ESF1: variants seen among roughly 807,000 people sequenced by gnomAD.
ESF1 encodes the protein ESF1 nucleolar pre-rRNA processing protein, also known as ESF1 homolog.
ESF1 carries 58 observed loss-of-function variants against 92.0 expected under a neutral mutation model. The ratio of observed to expected loss-of-function variants is 0.63; its 90% confidence interval spans 0.51 to 0.78. ESF1 has a LOEUF of 0.78. ESF1 is among the 30% of genes least tolerant of loss of function. The probability of loss-of-function intolerance (pLI) is 0.00; values close to 1 mark genes in which losing one functional copy is unlikely to be tolerated. For synonymous variants in ESF1, 321 were observed against 313.7 expected, an observed-to-expected ratio of 1.02 and a Z score of -0.24; for missense variants, 922 against 989.1, an observed-to-expected ratio of 0.93 and a Z score of 0.91.
chr20:13,781,661 C>G (rs143485327), intron 2 of ESF1, among the ~76,000 whole-genome samples: 5 of 152,250 alleles, frequency 3.3e-5, no homozygotes, highest in African/African-American at 1.2e-4. Flanking sequence ...AAAGTGTGAC[C>G]CCTGGGAGCT....
At chr20:13,777,110 G>A (rs936369333) in intron 2 of ESF1, among the ~76,000 whole-genome samples, 2 of 152,210 alleles carry the variant, frequency 1.3e-5, no homozygotes, top group Non-Finnish European at 2.9e-5. Context: ...GTAGAAAACT[G>A]ACTTGGGAAA....
chr20:13,742,173 C>T (rs929140487), intron 9 of ESF1, among the ~76,000 whole-genome samples: 18 of 152,056 alleles, frequency 1.2e-4, no homozygotes, highest in Non-Finnish European at 2.2e-4. Flanking sequence ...TCGAGACCAG[C>T]GTGGCCAATG....
intron 3 of ESF1, among the ~76,000 whole-genome samples, 182 bp from the exon 4 acceptor site, chr20:13,775,452 C>T (rs1979887870): frequency 6.6e-6 from 1 of 152,030 alleles, no homozygotes; most frequent in African/African-American, 2.4e-5. Context: ...ATAGTAAAAC[C>T]ATAACAGGTA....
intron 1 of ESF1, among the ~76,000 whole-genome samples, chr20:13,783,466 T>C (rs139682454): frequency 6.6e-6 from 1 of 152,332 alleles, no homozygotes; most frequent in East Asian, 1.9e-4. Context: ...CAAATGTTTA[T>C]TCATCCATTG....
rs1980291879 is a variant in ESF1, at chr20:13,783,035, T to C, written c.106A>G (p.Lys36Glu). 3 of 1,614,164 alleles carry C rather than the reference T, an allele frequency of 1.9e-6. No individual in the cohort carries two copies. Among genetic ancestry groups the C allele is most frequent in the Non-Finnish European group, 2.5e-6 (3 of 1,180,032 alleles). The part of the protein sequence containing the change: ...PEKDRKVKID[K>E]RFRAMFHDKK... ...TCATGAAACATGGCTCGAAATCTCTTGTCAATTTTGACTTTTCGATCCTTT... is the reference window on the plus strand; with the variant it reads ...TCATGAAACATGGCTCGAAATCTCTCGTCAATTTTGACTTTTCGATCCTTT... The change falls in exon 2 of 14, where the codon AAG becomes GAG. Residue 36 changes from lysine to glutamate, a missense_variant. Lys to Glu is a moderately conservative substitution (Grantham distance 56). Coordinates refer to ENST00000617257, the MANE Select transcript of ESF1 (RefSeq NM_001276380.2).
intron 4 of ESF1, among the ~76,000 whole-genome samples, chr20:13,774,188 G>A (rs1979819343): frequency 6.6e-6 from 1 of 151,986 alleles, no homozygotes; most frequent in Admixed American, 6.6e-5. Flanking sequence ...CTTGAACTGG[G>A]ATTTTGATCA....
At chr20:13,745,218 A>G (rs1446608281) in intron 9 of ESF1, among the ~76,000 whole-genome samples, 1 of 152,250 alleles carries the variant, frequency 6.6e-6, no homozygotes, top group Non-Finnish European at 1.5e-5. Context: ...AATTACGAGC[A>G]TGTTACAACC....
At position 13,733,829 on chromosome 20, in the gene ESF1, A is replaced by AC; in HGVS notation, c.1841dup (p.Ser614ArgfsTer15). On this transcript the variant is annotated frameshift_variant, in exon 10 of 14. Transcript: ENST00000617257. LOFTEE classifies it high-confidence loss of function. ...ATTTGTTTTTGACCATCTCTTCTGC[A>AC]CTTTCTTTAAGACCTGAGGAAAAAT... is the stretch of plus-strand genomic sequence containing the variant. 1 of 1,609,196 alleles carries AC rather than the reference A, an allele frequency of 6.2e-7. No homozygotes were observed. The highest frequency in any genetic ancestry group is 1.1e-5 in the South Asian group (1 of 89,698).
At position 13,767,223 on chromosome 20, in the gene ESF1, T is replaced by A. The variant is rs148554733; in HGVS notation, c.1519-299A>T. Among the ~76,000 whole-genome samples the A allele has an allele frequency of 5.1e-3, 775 of 152,238 alleles. 3 individuals are homozygous for A. Among genetic ancestry groups the A allele is most frequent in the Non-Finnish European group, 6.9e-3 (467 of 68,006 alleles). ...GTGCAAAAAAACTAAGAAAATGTAC[T>A]GGTAAAAGAGTTAACATTATGGGCC... is the stretch of plus-strand genomic sequence containing the variant. On this transcript the variant is annotated intron_variant, in intron 7 of 13. Coordinates refer to ENST00000617257, the MANE Select transcript of ESF1 (RefSeq NM_001276380.2).
Position 13,782,604 on chromosome 20 carries a change from A to G in ESF1, c.537T>C (p.Ser179=), listed in dbSNP as rs770783962. Residue 179 remains serine (S), a synonymous_variant, in exon 2 of 14, where the codon TCT becomes TCC. Transcript: ENST00000617257. Reference sequence around the variant, plus strand: ...ATGTCCTTTGTTTTTCTTCGAGAGAAGAGTCTGTAGTATGTTGAACAATGT... The same window carrying G: ...ATGTCCTTTGTTTTTCTTCGAGAGAGGAGTCTGTAGTATGTTGAACAATGT... ...KKNIVQHTTD[S]SLEEKQRTLD... is the part of the protein sequence containing the mutation. 1.9e-6 allele frequency: 3 copies of G among 1,597,962 alleles called. No individual in the cohort carries two copies.
At chr20:13,732,260 A>G (rs997892424) in intron 10 of ESF1, among the ~76,000 whole-genome samples, 10 of 152,170 alleles carry the variant, frequency 6.6e-5, no homozygotes, top group Non-Finnish European at 1.5e-4. Context: ...TAGTGTGTGG[A>G]GAAAACTCCC....
At position 13,717,524 on chromosome 20, in the gene ESF1, GC is replaced by G; in HGVS notation, c.2116-11del. On this transcript the variant is annotated splice_polypyrimidine_tract_variant and intron_variant, in intron 12 of 13. Coordinates refer to ENST00000617257, the MANE Select transcript of ESF1 (RefSeq NM_001276380.2). Reference sequence around the variant, plus strand: ...GCAAAGCCATTTCAGCCTGTAGAGAGCAAAAAAAAGTTCAAATGTACAACAG... The same window carrying G: ...GCAAAGCCATTTCAGCCTGTAGAGAGAAAAAAAAGTTCAAATGTACAACAG... 1.9e-6 allele frequency: 3 copies of G among 1,608,110 alleles called. No individual in the cohort carries two copies. The highest frequency in any genetic ancestry group is 2.5e-6 in the Non-Finnish European group (3 of 1,178,468).
intron 1 of ESF1, 82 bp from the exon 2 acceptor site, chr20:13,783,265 C>A: frequency 1.0e-6 from 1 of 976,814 alleles, no homozygotes; most frequent in Non-Finnish European, 1.5e-6. Context: ...ACAATATATT[C>A]TAAGTTAATA....
Position 13,759,803 on chromosome 20 carries a change from T to C in ESF1, c.1717A>G (p.Lys573Glu), listed in dbSNP as rs1453582474. The change falls in exon 9 of 14, where the codon AAG (lysine) becomes GAG (glutamate). Residue 573 changes from lysine to glutamate, a missense_variant. Lys to Glu is a moderately conservative substitution (Grantham distance 56, BLOSUM62 1). Transcript: ENST00000617257. ...EEDGKTKKSQ[K>E]DDEEQIAKYR... ...TTAGCAATTTGTTCTTCATCATCCT[T>C]CTGACTTTTCTTTGTTTTCCCATCT... is the stretch of plus-strand genomic sequence containing the variant. 6.3e-7 allele frequency: 1 copy of C among 1,591,592 alleles called. No individual in the cohort carries two copies. The highest frequency in any genetic ancestry group is 1.4e-5 in the African/African-American group (1 of 73,808).
chr20:13,742,879 T>G (rs573173133), intron 9 of ESF1, among the ~76,000 whole-genome samples: 102 of 152,296 alleles, frequency 6.7e-4, no homozygotes, highest in Admixed American at 2.0e-3. Flanking sequence ...GAAACCCTGT[T>G]CCCGCCCTCC....
intron 9 of ESF1, among the ~76,000 whole-genome samples, chr20:13,749,519 G>A (rs914916404): frequency 7.3e-5 from 11 of 151,604 alleles, no homozygotes; most frequent in African/African-American, 2.7e-4. Context: ...ACAGATAAAA[G>A]TTTTCCACAT....
intron 9 of ESF1, among the ~76,000 whole-genome samples, chr20:13,756,703 CA>C (rs1241511747): frequency 2.6e-5 from 4 of 152,182 alleles, no homozygotes; most frequent in African/African-American, 9.7e-5. Context: ...GGTTGATCTA[CA>C]GCACATGTAG....
chr20:13,719,560 T>G (rs1385107454), intron 11 of ESF1, among the ~76,000 whole-genome samples: 1 of 148,258 alleles, frequency 6.7e-6, no homozygotes, highest in Non-Finnish European at 1.5e-5. Flanking sequence ...TAACTGCTGT[T>G]GAGCAATTTG....
intron 9 of ESF1, among the ~76,000 whole-genome samples, chr20:13,743,823 A>C (rs2147743288): frequency 6.6e-6 from 1 of 152,352 alleles, no homozygotes; most frequent in Middle Eastern, 3.4e-3. Context: ...TGGATGTGTT[A>C]ATATCACGTA....
Sources: allele counts gnomAD v4.1 joint callset (sites outside exome capture counted in the v4.1 genomes callset), GRCh38; gene constraint gnomAD v4.1.1; transcripts MANE v1.5; gene names NCBI Gene and HGNC (gene_info 2026-07-23, HGNC 2026-07-21).